MGST1: variants seen among roughly 807,000 people sequenced by gnomAD.
MGST1 encodes glutathione S-transferase 12.
MGST1 carries 5 observed loss-of-function variants against 8.9 expected under a neutral mutation model. The observed-to-expected ratio is 0.56, with a 90% confidence interval of 0.29 to 1.19. The LOEUF is 1.19. MGST1 is among the 50% of genes most tolerant of loss of function. The pLI is 0.08. For synonymous variants in MGST1, 54 were observed against 67.8 expected, an observed-to-expected ratio of 0.80 and a Z score of 1.00; for missense variants, 182 against 187.4, an observed-to-expected ratio of 0.97 and a Z score of 0.17.
At chr12:16,436,140 G>T (rs762081248) in intron 1 of MGST1, among the ~76,000 whole-genome samples, 1 of 151,822 alleles carries the variant, frequency 6.6e-6, no homozygotes, top group Non-Finnish European at 1.5e-5. Flanking sequence ...CAGGAAAAAG[G>T]CATTTCTAAT....
intron 4 of MGST1, among the ~76,000 whole-genome samples, chr12:16,531,255 A>G (rs534622989): frequency 6.6e-6 from 1 of 150,944 alleles, no homozygotes; most frequent in African/African-American, 2.4e-5. Context: ...TTCAAAACAA[A>G]TTTAACACTG....
At chr12:16,531,116 T>G (rs1303772036) in intron 4 of MGST1, among the ~76,000 whole-genome samples, 1 of 121,936 alleles carries the variant, frequency 8.2e-6, no homozygotes, top group East Asian at 2.4e-4. Flanking sequence ...TGTTCATCAC[T>G]GAATAGAAGC....
chr12:16,438,923 T>C (rs1184553216), downstream of MGST1, among the ~76,000 whole-genome samples: 12 of 151,874 alleles, frequency 7.9e-5, no homozygotes, highest in Non-Finnish European at 1.6e-4. Flanking sequence ...GGTGGCAGGA[T>C]ACTATTTTAA....
intron 4 of MGST1, among the ~76,000 whole-genome samples, chr12:16,475,242 GA>G (rs1941315107): frequency 6.6e-6 from 1 of 151,876 alleles, no homozygotes; most frequent in South Asian, 2.1e-4. Flanking sequence ...AAAAATGGAT[GA>G]AAAAGTACTG....
chr12:16,400,185 G>T, intron 1 of MGST1: 1 of 1,085,706 alleles, frequency 9.2e-7, no homozygotes, highest in Non-Finnish European at 1.4e-6. Context: ...CTAAGTCCGT[G>T]GTTGTCTCTC....
intron 4 of MGST1, among the ~76,000 whole-genome samples, chr12:16,484,754 C>T (rs1269644930): frequency 6.6e-6 from 1 of 152,150 alleles, no homozygotes; most frequent in Non-Finnish European, 1.5e-5. Context: ...GATTCAATCA[C>T]CTCCCACCAG....
rs6488844 is a variant in MGST1 at position 16,413,618 on chromosome 12, T to C, written n.779-23770T>C. 0.32 allele frequency among the ~76,000 whole-genome samples: 47,965 copies of C among 152,016 alleles called. 7,591 individuals are homozygous for C. Among genetic ancestry groups the C allele is most frequent in the East Asian group, 0.43 (2,231 of 5,170 alleles). ...CAGTGAGTAAACTCTCACTTATCCT[T>C]ATAGATAGATCTCAATTTTCTCATT... On this transcript the variant is annotated intron_variant and non_coding_transcript_variant, in intron 1 of 1. Coordinates refer to the MGST1 transcript ENST00000359720. The surrounding 1 kb of genome is among the most constrained non-coding windows in gnomAD (Gnocchi z 4.0).
At chr12:16,579,621 CT>C (rs936726068) in intron 4 of MGST1, among the ~76,000 whole-genome samples, 2 of 152,224 alleles carry the variant, frequency 1.3e-5, no homozygotes, top group African/African-American at 4.8e-5. Context: ...TGGTGGAATC[CT>C]TTAGTTGAAG....
At chr12:16,357,497 G>T in intron 2 of MGST1, 108 bp from the exon 3 acceptor site, 1 of 791,240 alleles carries the variant, frequency 1.3e-6, no homozygotes, top group Non-Finnish European at 2.0e-6. Flanking sequence ...TTGAATTCTT[G>T]GGCTCAAGCA....
chr12:16,371,090 C>A (rs1305130223), intron 3 of MGST1, among the ~76,000 whole-genome samples: 1 of 152,054 alleles, frequency 6.6e-6, no homozygotes, highest in Non-Finnish European at 1.5e-5. Flanking sequence ...ATTAATTCTT[C>A]TTCAGACATT....
rs559492527 is a variant in MGST1, at chr12:16,553,816, C to T, written n.483-35712C>T. Among the ~76,000 whole-genome samples, 3 of 150,564 alleles carry T rather than the reference C, an allele frequency of 2.0e-5. No individual in the cohort carries two copies. In the South Asian group the frequency reaches 6.3e-4, roughly 31 times the overall value. On this transcript the variant is annotated intron_variant and non_coding_transcript_variant, in intron 4 of 4. Transcript: ENST00000538857. Reference sequence around the variant, plus strand: ...TGTAACTGTGATTTTGTAAGAAATGCTAATTTCCAGTGTGATTTAACCAAC... The same window carrying T: ...TGTAACTGTGATTTTGTAAGAAATGTTAATTTCCAGTGTGATTTAACCAAC...
At chr12:16,591,632 GCAAGAGGTAT>G (rs1406879986), downstream of MGST1, among the ~76,000 whole-genome samples, 1 of 152,016 alleles carries the variant, frequency 6.6e-6, no homozygotes, top group African/African-American at 2.4e-5. This position sits in a 1 kb window ranked among gnomAD's most constrained non-coding sequence, Gnocchi z 4.1. Flanking sequence ...TGATTGTTTT[GCAAGAGGTAT>G]CAATTGTACA....
chr12:16,577,861 T>C (rs11609535), intron 4 of MGST1, among the ~76,000 whole-genome samples: 31,995 of 152,120 alleles, frequency 0.21, 3,716 homozygotes, highest in African/African-American at 0.31. Flanking sequence ...TCTAAATGTG[T>C]CACCTAATTA....
At chr12:16,456,709 A>G (rs1346078600) in intron 4 of MGST1, among the ~76,000 whole-genome samples, 1 of 151,784 alleles carries the variant, frequency 6.6e-6, no homozygotes, top group Non-Finnish European at 1.5e-5. Flanking sequence ...TCCCCTACGT[A>G]CTCCTTAGTT....
At position 16,369,643 on chromosome 12, in the gene MGST1, A is replaced by G. The variant is rs927080750; in HGVS notation, c.222-6479A>G. 6.6e-5 allele frequency: 10 copies of G among 152,234 alleles called. No individual in the cohort carries two copies. The highest frequency in any genetic ancestry group is 1.3e-4 in the Non-Finnish European group (9 of 68,006). 9.4% of individuals were successfully genotyped at this position (152,234 alleles called of 1,614,324 possible). A position where few individuals can be genotyped will look rare whatever the true frequency, so the allele number is the denominator to read the frequency against. On this transcript the variant is annotated intron_variant, in intron 3 of 3. Transcript: ENST00000535309. This position sits in a 1 kb window ranked among gnomAD's most constrained non-coding sequence, Gnocchi z 4.8. ...CTTACTTATTTTTATATTTCCTGCAACTGCTTTTGTGTCACAATGGCAGAG... is the reference window on the plus strand; with the variant it reads ...CTTACTTATTTTTATATTTCCTGCAGCTGCTTTTGTGTCACAATGGCAGAG...
intron 1 of MGST1, among the ~76,000 whole-genome samples, chr12:16,406,919 G>A (rs543804435): frequency 1.3e-5 from 2 of 152,240 alleles, no homozygotes; most frequent in East Asian, 3.9e-4. Flanking sequence ...ATGGATTAAA[G>A]ACTTAAAAGT....
At chr12:16,383,799 A>G (rs890273111) in intron 1 of MGST1, among the ~76,000 whole-genome samples, 6 of 152,236 alleles carry the variant, frequency 3.9e-5, no homozygotes, top group Non-Finnish European at 7.3e-5. Flanking sequence ...AGATGTTGCC[A>G]TGTGGGGACA....
intron 4 of MGST1, among the ~76,000 whole-genome samples, chr12:16,573,088 T>G (rs1354501416): frequency 1.3e-5 from 2 of 152,092 alleles, no homozygotes; most frequent in Non-Finnish European, 2.9e-5. Flanking sequence ...ATACCTTTTT[T>G]TTTTCCTATG....
intron 4 of MGST1, among the ~76,000 whole-genome samples, chr12:16,468,148 T>C (rs1055091769): frequency 3.9e-5 from 6 of 152,182 alleles, no homozygotes; most frequent in African/African-American, 1.4e-4. Context: ...TATTTCCATC[T>C]GCTTCCATCA....
Sources: allele counts gnomAD v4.1 joint callset (sites outside exome capture counted in the v4.1 genomes callset), GRCh38; gene constraint gnomAD v4.1.1; non-coding constraint Gnocchi (gnomAD v3.1); transcripts MANE v1.5; gene names NCBI Gene and HGNC (gene_info 2026-07-23, HGNC 2026-07-21).